Variants in ATRNL1 observed in about 807,000 individuals in gnomAD.
ATRNL1 encodes attractin-like protein 1.
In ATRNL1, 95 loss-of-function variants were observed where a neutral mutation model predicts 182.7. That is an observed-to-expected ratio of 0.52 (90% CI 0.44 to 0.62). ATRNL1 has a LOEUF of 0.62. Ranked by LOEUF, ATRNL1 falls within the 20% of genes least tolerant of loss-of-function variation. The pLI is 0.00. For missense variants in ATRNL1, 1,471 were observed against 1,679.5 expected, an observed-to-expected ratio of 0.88 and a Z score of 2.17; for synonymous variants, 576 against 568.3, an observed-to-expected ratio of 1.01 and a Z score of -0.19.
intron 26 of ATRNL1, among the ~76,000 whole-genome samples, chr10:115,723,969 T>A (rs1158450155): frequency 1.3e-5 from 2 of 152,208 alleles, no homozygotes; most frequent in Non-Finnish European, 2.9e-5. Context: ...TAAATTTTCT[T>A]CACAACAATG....
rs181786981 is a variant in ATRNL1, at chr10:115,481,339, C to T, written c.3654+12010C>T. Among the ~76,000 whole-genome samples the T allele has an allele frequency of 3.3e-3, 497 of 150,680 alleles. 3 individuals are homozygous for T. Among genetic ancestry groups the T allele is most frequent in the African/African-American group, 0.012 (478 of 41,380 alleles). The stretch of plus-strand genomic sequence containing the variant: ...GATGAATATCTTTGTGTGCATTCAT[C>T]TTCTATTTTAGAAAATTATTTCTTT... On this transcript the variant is annotated intron_variant, in intron 24 of 28. Coordinates refer to ENST00000355044, the MANE Select transcript of ATRNL1 (RefSeq NM_207303.4).
chr10:115,645,172 A>G (rs148084683), intron 26 of ATRNL1, among the ~76,000 whole-genome samples: 9 of 152,156 alleles, frequency 5.9e-5, no homozygotes, highest in Admixed American at 2.6e-4. Context: ...TCTGTGTTCA[A>G]CAATAGAAGG....
At chr10:115,713,692 TCTA>T (rs1947145950) in intron 26 of ATRNL1, among the ~76,000 whole-genome samples, 1 of 114,570 alleles carries the variant, frequency 8.7e-6, no homozygotes, top group Admixed American at 9.4e-5. Context: ...TATCTATCTA[TCTA>T]TCTATCTATC....
At chr10:115,429,004 C>G (rs1846028327) in intron 21 of ATRNL1, among the ~76,000 whole-genome samples, 2 of 152,054 alleles carry the variant, frequency 1.3e-5, no homozygotes, top group Non-Finnish European at 2.9e-5. Flanking sequence ...ACATCCTCAT[C>G]AATACAACAT....
At chr10:115,461,005 A>T (rs1032165137) in intron 21 of ATRNL1, among the ~76,000 whole-genome samples, 2 of 152,138 alleles carry the variant, frequency 1.3e-5, no homozygotes, top group Non-Finnish European at 2.9e-5. Context: ...ACACTAAATT[A>T]TACAATAAAT....
At position 115,581,839 on chromosome 10, in the gene ATRNL1, A is replaced by G. The variant is rs1385387323; in HGVS notation, c.3795+32303A>G. Among the ~76,000 whole-genome samples, 6 of 150,772 alleles carry G rather than the reference A, an allele frequency of 4.0e-5. No individual in the cohort carries two copies. The South Asian group carries it at 8.5e-4, about 21-fold the overall frequency. ...TACATGTGCCATGCTGGTGCACTGC[A>G]CCCACTAACTCGTCATCTAGCATTA... On this transcript the variant is annotated intron_variant, in intron 26 of 28. Transcript: ENST00000355044.
chr10:115,223,913 G>GTGTGTA (rs71476115), intron 9 of ATRNL1, among the ~76,000 whole-genome samples: 16 of 55,938 alleles, frequency 2.9e-4, no homozygotes, highest in African/African-American at 9.2e-4. Flanking sequence ...GTGTGTGTGT[G>GTGTGTA]TATATATATA....
At chr10:115,148,753 T>G (rs991745426) in intron 5 of ATRNL1, among the ~76,000 whole-genome samples, 7 of 150,008 alleles carry the variant, frequency 4.7e-5, no homozygotes, top group South Asian at 2.2e-4. Context: ...CGTTTTTTTT[T>G]TTTTTTTTTT....
chr10:115,675,290 A>T (rs1225559743), intron 26 of ATRNL1, among the ~76,000 whole-genome samples: 3 of 152,098 alleles, frequency 2.0e-5, no homozygotes, highest in African/African-American at 7.2e-5. Flanking sequence ...TGAGCCCAGG[A>T]GTTTAAGGTT....
chr10:115,094,233 C>G (rs1330913033), intron 1 of ATRNL1, among the ~76,000 whole-genome samples, 190 bp downstream of exon 1: 2 of 151,766 alleles, frequency 1.3e-5, no homozygotes, highest in African/African-American at 4.8e-5. Flanking sequence ...CCGGGGCGCC[C>G]CGGGAGAGCT....
rs912982722 is a variant in ATRNL1, at chr10:115,603,315, T to C, written c.3795+53779T>C. On this transcript the variant is annotated intron_variant, in intron 26 of 28. Transcript: ENST00000355044. ...AGAATTGCTTCATTAGAACAAAAGA[T>C]GCTAATATCGCCTGGGAAATACCAA... Among the ~76,000 whole-genome samples, 5 of 151,986 alleles carry C rather than the reference T, an allele frequency of 3.3e-5. No homozygotes were observed. In the East Asian group the frequency reaches 5.8e-4, roughly 18 times the overall value.
intron 20 of ATRNL1, among the ~76,000 whole-genome samples, chr10:115,409,389 A>G (rs1304432254): frequency 3.3e-5 from 5 of 152,076 alleles, no homozygotes; most frequent in African/African-American, 1.2e-4. Context: ...TTGAAATGCT[A>G]CTGATTTTTT....
chr10:115,496,209 T>C (rs1307331965), intron 24 of ATRNL1, among the ~76,000 whole-genome samples: 1 of 152,182 alleles, frequency 6.6e-6, no homozygotes, highest in Non-Finnish European at 1.5e-5. Flanking sequence ...CCTATGGGTG[T>C]CATTGCACGT....
chr10:115,471,316 G>C (rs1367862619), intron 24 of ATRNL1, among the ~76,000 whole-genome samples: 1 of 150,946 alleles, frequency 6.6e-6, no homozygotes, highest in African/African-American at 2.4e-5. Context: ...TGAGAGTGCA[G>C]CTGTATCTCT....
intron 27 of ATRNL1, among the ~76,000 whole-genome samples, chr10:115,804,297 A>G (rs1005003629): frequency 2.0e-5 from 3 of 152,124 alleles, no homozygotes; most frequent in Non-Finnish European, 2.9e-5. Flanking sequence ...AATTCATGCT[A>G]TTATGGCCTG....
At chr10:115,811,224 A>G (rs782127762) in intron 27 of ATRNL1, among the ~76,000 whole-genome samples, 1 of 151,742 alleles carries the variant, frequency 6.6e-6, no homozygotes, top group Non-Finnish European at 1.5e-5. Context: ...CCTTGTGACT[A>G]TTTCTTTGAT....
chr10:115,804,828 T>C (rs1555085273), intron 27 of ATRNL1, among the ~76,000 whole-genome samples: 1 of 152,204 alleles, frequency 6.6e-6, no homozygotes, highest in Non-Finnish European at 1.5e-5. Flanking sequence ...GAACTATTAT[T>C]TCATATGTAA....
intron 8 of ATRNL1, among the ~76,000 whole-genome samples, chr10:115,176,545 A>G (rs1251290686): frequency 6.6e-6 from 1 of 152,058 alleles, no homozygotes; most frequent in Non-Finnish European, 1.5e-5. Flanking sequence ...AGCCAATAGT[A>G]TTTGCTGAGG....
chr10:115,583,447 C>T (rs1555008507), intron 26 of ATRNL1, among the ~76,000 whole-genome samples: 1 of 107,974 alleles, frequency 9.3e-6, no homozygotes, highest in Non-Finnish European at 2.0e-5. Flanking sequence ...TTGTAGTTCT[C>T]CTTGAAGAGA....
Sources: allele counts gnomAD v4.1 joint callset (sites outside exome capture counted in the v4.1 genomes callset), GRCh38; gene constraint gnomAD v4.1.1; transcripts MANE v1.5; gene names NCBI Gene and HGNC (gene_info 2026-07-23, HGNC 2026-07-21).